The following FAM135B variants were observed in gnomAD, a reference collection of about 807,000 sequenced individuals.
FAM135B encodes protein FAM135B.
In FAM135B, 43 loss-of-function variants were observed where a neutral mutation model predicts 127.7. That is an observed-to-expected ratio of 0.34 (90% CI 0.26 to 0.43). The LOEUF is 0.43. FAM135B is among the 20% of genes least tolerant of loss of function. The probability of loss-of-function intolerance (pLI) is 1.00; values close to 1 mark genes in which losing one functional copy is unlikely to be tolerated. For synonymous variants in FAM135B, 670 were observed against 665.1 expected (o/e 1.01, Z -0.11); for missense variants, 1,558 against 1,725.6 (o/e 0.90, Z 1.72).
intron 1 of FAM135B, among the ~76,000 whole-genome samples, chr8:138,420,210 CT>C (rs1834411301): frequency 0.013 from 1 of 76 alleles, no homozygotes; most frequent in South Asian, 0.17. Context: ...CACTCAGAGA[CT>C]ATTACAACAC....
chr8:138,333,086 A>T (rs1261973707), intron 2 of FAM135B, among the ~76,000 whole-genome samples: 2 of 152,194 alleles, frequency 1.3e-5, no homozygotes, highest in Admixed American at 1.3e-4. Context: ...ATGTTATTAA[A>T]TCAAAGGAGA....
chr8:138,226,184 T>TGTGTGTGTGTGTGTGTGTGC, intron 7 of FAM135B, among the ~76,000 whole-genome samples: 1 of 139,196 alleles, frequency 7.2e-6, no homozygotes, highest in Non-Finnish European at 1.5e-5. Context: ...TGTGTGTGTG[T>TGTGTGTGTGTGTGTGTGTGC]GCGCGCATGT....
chr8:138,183,581 C>A (rs977674976), intron 9 of FAM135B, among the ~76,000 whole-genome samples: 1 of 152,176 alleles, frequency 6.6e-6, no homozygotes, highest in Non-Finnish European at 1.5e-5. Flanking sequence ...ACAGGATATA[C>A]CTGGAGACTT....
At chr8:138,165,971 A>T (rs1241584839) in intron 12 of FAM135B, among the ~76,000 whole-genome samples, 1 of 152,202 alleles carries the variant, frequency 6.6e-6, no homozygotes, top group Non-Finnish European at 1.5e-5. Context: ...AGGTAGCAGA[A>T]TCTTTGAAAT....
chr8:138,406,930 T>C (rs113551491), intron 1 of FAM135B, among the ~76,000 whole-genome samples: 40,402 of 148,332 alleles, frequency 0.27, 5,581 homozygotes, highest in Non-Finnish European at 0.31. Context: ...CAGAAGGAAA[T>C]AAAGGGTATT....
rs1176912157 is a variant in FAM135B at position 138,250,992 on chromosome 8, G to A, written c.391C>T (p.Pro131Ser). Reference sequence around the variant, plus strand: ...CCAAGCGTTCGGCTGCTGACCATCGGTGCCCCAGCCACATCCCTCAACCTA... The same window carrying A: ...CCAAGCGTTCGGCTGCTGACCATCGATGCCCCAGCCACATCCCTCAACCTA... ...EQQLRDVAGA[P>S]MVSSRTLGLH... is the part of the protein sequence containing the mutation. The change falls in exon 6 of 20, where the codon CCG (proline) becomes TCG (serine). Residue 131 changes from proline to serine, a missense_variant. This residue lies in a region of FAM135B where 199 missense variants were observed against 245.7 expected (regional missense o/e 0.81). Transcript: ENST00000395297. The A allele has an allele frequency of 1.2e-6, 2 of 1,613,898 alleles. No homozygotes were observed. The highest frequency in any genetic ancestry group is 1.3e-5 in the African/African-American group (1 of 74,988).
In FAM135B at chr8:138,384,396, T is replaced by C. The variant is rs575604595; in HGVS notation, c.-19-16394A>G. ...TTTATTTATTTATTTACCCATTTGC[T>C]AAATAGATGTATTGGGGGCCTATTA... On this transcript the variant is annotated intron_variant, in intron 1 of 19. Coordinates refer to ENST00000395297, the MANE Select transcript of FAM135B (RefSeq NM_015912.4). Among the ~76,000 whole-genome samples the C allele has an allele frequency of 2.0e-5, 3 of 152,180 alleles. No homozygotes were observed. The South Asian group carries it at 6.2e-4, about 32-fold the overall frequency.
rs1423873674 is a variant in FAM135B, at chr8:138,151,931, G to A, written c.2544C>T (p.Pro848=). The part of the protein sequence containing the change: ...NQQGPGYIDI[P]KGKGKQFDAQ... ...CATCAAACTGCTTCCCTTTCCCTTT[G>A]GGGATGTCTATGTATCCGGGGCCCT... The change falls in exon 13 of 20, where the codon CCC becomes CCT. Residue 848 remains proline (P), a synonymous_variant. Coordinates refer to ENST00000395297, the MANE Select transcript of FAM135B (RefSeq NM_015912.4). 1 of 1,614,148 alleles carries A rather than the reference G, an allele frequency of 6.2e-7. No homozygotes were observed. The highest frequency in any genetic ancestry group is 8.5e-7 in the Non-Finnish European group (1 of 1,180,032).
At chr8:138,286,245 A>T (rs751604868) in intron 3 of FAM135B, among the ~76,000 whole-genome samples, 7 of 152,236 alleles carry the variant, frequency 4.6e-5, no homozygotes, top group Non-Finnish European at 8.8e-5. Flanking sequence ...CTGCAAACCA[A>T]TGTGAGGGAG....
intron 3 of FAM135B, among the ~76,000 whole-genome samples, chr8:138,282,363 A>G (rs1824329416): frequency 6.6e-6 from 1 of 152,224 alleles, no homozygotes; most frequent in Admixed American, 6.5e-5. Flanking sequence ...TGCTCAGAAA[A>G]AAATCATTGC....
At chr8:138,491,553 G>C (rs1815199782) in intron 1 of FAM135B, among the ~76,000 whole-genome samples, 1 of 152,134 alleles carries the variant, frequency 6.6e-6, no homozygotes, top group East Asian at 1.9e-4. Context: ...CTAATTCCCA[G>C]TCAATGCTGG....
rs185445650 is a variant in FAM135B at position 138,209,696 on chromosome 8, T to G, written c.670-12027A>C. On this transcript the variant is annotated intron_variant, in intron 7 of 19. Transcript: ENST00000395297. ...AGGGAGATACAGGGAGGCCTTTCTC[T>G]GTGACTCTGGCTTCTCACTGGCTCT... Among the ~76,000 whole-genome samples the G allele has an allele frequency of 6.0e-4, 92 of 152,322 alleles. 1 individual carries two copies. The East Asian group carries it at 0.013, about 21-fold the overall frequency.
chr8:138,412,634 C>A, intron 1 of FAM135B, among the ~76,000 whole-genome samples: 1 of 152,234 alleles, frequency 6.6e-6, no homozygotes, highest in Admixed American at 6.5e-5. Flanking sequence ...CTTGCACCCA[C>A]GCATGTCTAT....
At position 138,153,142 on chromosome 8, in the gene FAM135B, C is replaced by T. The variant is rs2130792637; in HGVS notation, c.1333G>A (p.Glu445Lys). ...SPTIMNLKDK[E>K]DNCMVNSNLS... ...TTGCTATTTACCATACAGTTATCTT[C>T]CTTGTCTTTCAGATTCATTATTGTA... The change falls in exon 13 of 20, where the codon GAA (glutamate) becomes AAA (lysine). Residue 445 changes from glutamate (E) to lysine (K), a missense_variant. Glu to Lys is a moderately conservative substitution (Grantham distance 56). Around this residue, in one of 5 missense-constraint regions of FAM135B, gnomAD observed 923 missense variants for 865.3 expected, o/e 1.07. Coordinates refer to ENST00000395297, the MANE Select transcript of FAM135B (RefSeq NM_015912.4). 3 of 1,611,524 alleles carry T rather than the reference C, an allele frequency of 1.9e-6. No homozygotes were observed. Among genetic ancestry groups the T allele is most frequent in the Non-Finnish European group, 2.5e-6 (3 of 1,177,984 alleles).
intron 12 of FAM135B, among the ~76,000 whole-genome samples, chr8:138,160,263 G>A (rs13280351): frequency 0.68 from 103,190 of 151,590 alleles, 35,150 homozygotes; most frequent in East Asian, 0.76. Context: ...CCTGAGTTCT[G>A]GGAGTCATTC....
chr8:138,323,887 G>C (rs1827623187), intron 2 of FAM135B, among the ~76,000 whole-genome samples: 1 of 152,164 alleles, frequency 6.6e-6, no homozygotes, highest in African/African-American at 2.4e-5. Context: ...AAGTAAAGCA[G>C]ATATTTTTTA....
chr8:138,411,172 A>T (rs953140407), intron 1 of FAM135B, among the ~76,000 whole-genome samples: 1 of 151,624 alleles, frequency 6.6e-6, no homozygotes, highest in African/African-American at 2.4e-5. Flanking sequence ...AAAAGAGCCC[A>T]CGTCACCAAG....
chr8:138,393,474 T>G (rs1018961965), intron 1 of FAM135B, among the ~76,000 whole-genome samples: 2 of 151,900 alleles, frequency 1.3e-5, no homozygotes, highest in Admixed American at 1.3e-4. Flanking sequence ...AAAAAAAATT[T>G]AAGAGTATTC....
chr8:138,258,075 TC>T (rs1277622144), intron 4 of FAM135B, among the ~76,000 whole-genome samples: 1 of 152,148 alleles, frequency 6.6e-6, no homozygotes, highest in Non-Finnish European at 1.5e-5. Context: ...TTGTGTAGTG[TC>T]CCCAGTAATC....
Sources: allele counts gnomAD v4.1 joint callset (sites outside exome capture counted in the v4.1 genomes callset), GRCh38; gene constraint gnomAD v4.1.1; regional missense constraint gnomAD v4.1.1; transcripts MANE v1.5; gene names NCBI Gene and HGNC (gene_info 2026-07-23, HGNC 2026-07-21).